Variants in KIF5A observed in about 807,000 individuals in gnomAD.
KIF5A encodes the protein kinesin heavy chain isoform 5A.
A neutral mutation model predicts 141.3 loss-of-function variants in KIF5A; 35 were observed. The ratio of observed to expected loss-of-function variants is 0.25; its 90% confidence interval spans 0.19 to 0.33. KIF5A has a LOEUF of 0.33. Among genes scored for constraint, KIF5A ranks in the 10% least tolerant of loss-of-function variants. The pLI is 1.00. For synonymous variants in KIF5A, 448 were observed against 500.2 expected (o/e 0.90, Z 1.39); for missense variants, 861 against 1,314.3 (o/e 0.66, Z 5.33).
At chr12:57,553,883 G>T (rs1170915373) in intron 1 of KIF5A, among the ~76,000 whole-genome samples, 2 of 152,150 alleles carry the variant, frequency 1.3e-5, no homozygotes, top group Non-Finnish European at 2.9e-5. Context: ...GTGGGAGAGA[G>T]ATTGGATTTC....
chr12:57,575,813 C>G, intron 17 of KIF5A, 56 bp downstream of exon 17: 1 of 1,212,004 alleles, frequency 8.3e-7, no homozygotes, highest in Non-Finnish European at 1.2e-6. Flanking sequence ...TCAGAAACAT[C>G]AAAATAAATC....
intron 26 of KIF5A, 105 bp from the exon 27 acceptor site, chr12:57,582,497 T>A: frequency 1.1e-6 from 1 of 884,944 alleles, no homozygotes; most frequent in Non-Finnish European, 1.9e-6. Flanking sequence ...GCTTATCTTT[T>A]TCTCTAAGGG....
chr12:57,568,922 T>C (rs779319306), intron 8 of KIF5A, 41 bp from the exon 9 acceptor site: 1 of 1,393,102 alleles, frequency 7.2e-7, no homozygotes, highest in Non-Finnish European at 1.0e-6. Flanking sequence ...CCTCTCCATG[T>C]GCAGCTGCTC....
At chr12:57,559,527 T>C (rs966605328) in intron 1 of KIF5A, among the ~76,000 whole-genome samples, 1 of 152,170 alleles carries the variant, frequency 6.6e-6, no homozygotes, top group Non-Finnish European at 1.5e-5. Flanking sequence ...TTTTATGATG[T>C]TATAATTTAT....
intron 6 of KIF5A, 152 bp downstream of exon 6, chr12:57,565,125 A>T (rs181684005): frequency 1.1e-5 from 8 of 737,482 alleles, no homozygotes; most frequent in African/African-American, 1.0e-4. Flanking sequence ...GGGATCAGAA[A>T]AGATACTGTC....
intron 1 of KIF5A, among the ~76,000 whole-genome samples, chr12:57,556,532 G>T (rs953062740): frequency 3.3e-5 from 5 of 152,072 alleles, no homozygotes; most frequent in African/African-American, 1.2e-4. Flanking sequence ...GATGTAAAGG[G>T]GTTCCTGATG....
chr12:57,575,695 A>G lies in KIF5A; in HGVS notation c.1961A>G (p.Lys654Arg), dbSNP rs1236467846. 6.2e-7 allele frequency: 1 copy of G among 1,614,194 alleles called. No homozygotes were observed. Among genetic ancestry groups the G allele is most frequent in the Non-Finnish European group, 8.5e-7 (1 of 1,180,032 alleles). The change falls in exon 17 of 29, where the codon AAG (lysine) becomes AGG (arginine). Residue 654 changes from lysine (K) to arginine (R), a missense_variant. By Grantham distance (26) the Lys-to-Arg change is conservative. Transcript: ENST00000455537. ...TACATGCAGAGCGTGGAGCTAAAGA[A>G]GCGGCACCTGGAAGAGTCCTATGAC... ...TEYMQSVELK[K>R]RHLEESYDSL...
intron 21 of KIF5A, 94 bp downstream of exon 21, chr12:57,577,867 A>T: frequency 7.8e-7 from 1 of 1,285,018 alleles, no homozygotes; most frequent in Non-Finnish European, 1.1e-6. Flanking sequence ...TTTTGCAGCC[A>T]TTCTGTAGCG....
intron 1 of KIF5A, among the ~76,000 whole-genome samples, chr12:57,562,605 C>T (rs1031549151): frequency 9.9e-5 from 15 of 152,172 alleles, no homozygotes; most frequent in Non-Finnish European, 1.8e-4. Flanking sequence ...AGAGAGAGAG[C>T]TTGTGTTAAT....
At chr12:57,571,912 T>C in intron 13 of KIF5A, 149 bp from the exon 14 acceptor site, 1 of 708,548 alleles carries the variant, frequency 1.4e-6, no homozygotes, top group Non-Finnish European at 2.5e-6. Flanking sequence ...TCATTCTTCA[T>C]TCTGTTGCCC....
intron 16 of KIF5A, 74 bp downstream of exon 16, chr12:57,575,346 C>A: frequency 7.0e-7 from 1 of 1,432,240 alleles, no homozygotes; most frequent in Non-Finnish European, 9.7e-7. Flanking sequence ...GGCTAAAACT[C>A]CTAACACCCA....
At chr12:57,581,718 C>A in intron 25 of KIF5A, 150 bp downstream of exon 25, 1 of 1,208,212 alleles carries the variant, frequency 8.3e-7, no homozygotes, top group Non-Finnish European at 1.2e-6. Flanking sequence ...AGGTGTCTGC[C>A]CTCCCAGCCT....
intron 1 of KIF5A, among the ~76,000 whole-genome samples, chr12:57,554,258 C>A (rs750491270): frequency 6.6e-6 from 1 of 152,170 alleles, no homozygotes; most frequent in Non-Finnish European, 1.5e-5. Context: ...AGCTACCTGA[C>A]CTCTTTGAGC....
At chr12:57,576,485 C>A in intron 19 of KIF5A, 107 bp downstream of exon 19, 1 of 879,612 alleles carries the variant, frequency 1.1e-6, no homozygotes, top group Non-Finnish European at 1.9e-6. Context: ...ATGTGTCATT[C>A]CCTCAACAAT....
At chr12:57,553,076 T>C (rs570098326) in intron 1 of KIF5A, among the ~76,000 whole-genome samples, 3 of 152,232 alleles carry the variant, frequency 2.0e-5, no homozygotes, top group African/African-American at 7.2e-5. Flanking sequence ...CGTCTGTGTG[T>C]GGTGCCCATC....
chr12:57,567,779 A>G lies in KIF5A; in HGVS notation c.714+161A>G, dbSNP rs10783833. ...GGGTTTAAGTGATTCTCCTGCCTAA[A>G]CCTTCCAAGTAGCTGGGATTACAGG... On this transcript the variant is annotated intron_variant, in intron 8 of 28. Transcript: ENST00000455537. 0.45 allele frequency among the ~76,000 whole-genome samples: 67,954 copies of G among 150,674 alleles called. 15,928 individuals carry two copies. The highest frequency in any genetic ancestry group is 0.77 in the East Asian group (3,938 of 5,106).
chr12:57,555,312 A>G (rs2140153497), intron 1 of KIF5A, among the ~76,000 whole-genome samples: 1 of 152,330 alleles, frequency 6.6e-6, no homozygotes, highest in South Asian at 2.1e-4. Context: ...TCATGAAAAG[A>G]TCACTTTTCT....
At chr12:57,571,511 C>G (rs2140164845) in intron 13 of KIF5A, 122 bp downstream of exon 13, 2 of 893,478 alleles carry the variant, frequency 2.2e-6, no homozygotes, top group Non-Finnish European at 3.6e-6. Context: ...TTAATCACTC[C>G]CCTAAACAGC....
intron 23 of KIF5A, among the ~76,000 whole-genome samples, chr12:57,580,145 C>T (rs867078868): frequency 7.2e-5 from 11 of 152,200 alleles, no homozygotes; most frequent in South Asian, 2.1e-4. Flanking sequence ...CTTGAGCCCC[C>T]AGTGTTCCCC....
Sources: allele counts gnomAD v4.1 joint callset (sites outside exome capture counted in the v4.1 genomes callset), GRCh38; gene constraint gnomAD v4.1.1; transcripts MANE v1.5; gene names NCBI Gene and HGNC (gene_info 2026-07-23, HGNC 2026-07-21).